CNTNAP2: variants seen among roughly 807,000 people sequenced by gnomAD.
CNTNAP2 encodes contactin-associated protein-like 2.
CNTNAP2 carries 98 observed loss-of-function variants against 155.2 expected under a neutral mutation model. The observed-to-expected ratio is 0.63, with a 90% CI of 0.54 to 0.75. The LOEUF is 0.75. Among genes scored for constraint, CNTNAP2 ranks in the 30% least tolerant of loss-of-function variants. The probability of loss-of-function intolerance (pLI) is 0.00; values close to 1 mark genes in which losing one functional copy is unlikely to be tolerated. For synonymous variants in CNTNAP2, 651 were observed against 631.2 expected (o/e 1.03, Z -0.47); for missense variants, 1,727 against 1,688.1 (o/e 1.02, Z -0.40).
At chr7:147,568,644 T>C (rs1800222725) in intron 12 of CNTNAP2, among the ~76,000 whole-genome samples, 1 of 152,186 alleles carries the variant, frequency 6.6e-6, no homozygotes, top group Non-Finnish European at 1.5e-5. Context: ...GTGTTAAAAC[T>C]TTTGTGAATA....
chr7:148,126,556 G>A (rs1297329990), intron 16 of CNTNAP2, among the ~76,000 whole-genome samples: 1 of 152,210 alleles, frequency 6.6e-6, no homozygotes, highest in East Asian at 1.9e-4. Context: ...AATGAAAATT[G>A]AAATGGAATT....
At chr7:146,861,045 C>A (rs1338107735) in intron 3 of CNTNAP2, among the ~76,000 whole-genome samples, 3 of 151,752 alleles carry the variant, frequency 2.0e-5, no homozygotes, top group African/African-American at 7.3e-5. Context: ...AATTTATTTT[C>A]TTTTTTCTTT....
At chr7:147,953,620 G>A (rs1800973246) in intron 14 of CNTNAP2, among the ~76,000 whole-genome samples, 1 of 152,200 alleles carries the variant, frequency 6.6e-6, no homozygotes, top group South Asian at 2.1e-4. Context: ...AGCTGTGTTA[G>A]TATCCTAGGG....
At chr7:148,331,064 A>G (rs1797993342) in intron 21 of CNTNAP2, among the ~76,000 whole-genome samples, 1 of 148,384 alleles carries the variant, frequency 6.7e-6, no homozygotes, top group African/African-American at 2.5e-5. Context: ...GGATGGATGG[A>G]GTGGATGGAT....
chr7:147,912,280 C>T (rs1462813949), intron 14 of CNTNAP2, among the ~76,000 whole-genome samples: 1 of 152,166 alleles, frequency 6.6e-6, no homozygotes, highest in Non-Finnish European at 1.5e-5. Context: ...CCCAAGCACA[C>T]ACAGATAAGG....
chr7:146,839,631 T>C, intron 2 of CNTNAP2, 80 bp from the exon 3 acceptor site: 2 of 1,458,574 alleles, frequency 1.4e-6, no homozygotes, highest in Non-Finnish European at 1.9e-6. Context: ...CCAATTAAGA[T>C]ATGTAGAATA....
chr7:146,566,558 G>A (rs933814086), intron 1 of CNTNAP2, among the ~76,000 whole-genome samples: 4 of 152,160 alleles, frequency 2.6e-5, no homozygotes, highest in Admixed American at 1.3e-4. Context: ...TTAGCTGGGC[G>A]TGGTGGCAGG....
intron 12 of CNTNAP2, among the ~76,000 whole-genome samples, chr7:147,633,461 G>T (rs1795123706): frequency 6.6e-6 from 1 of 152,190 alleles, no homozygotes; most frequent in African/African-American, 2.4e-5. Flanking sequence ...TTGGGTTAAT[G>T]CTGGAATAAG....
chr7:148,228,279 G>T (rs138745437), intron 19 of CNTNAP2, among the ~76,000 whole-genome samples: 1 of 152,016 alleles, frequency 6.6e-6, no homozygotes, highest in Non-Finnish European at 1.5e-5. Flanking sequence ...ATTTATGCTT[G>T]CAGATTAACT....
chr7:147,120,337 C>T (rs1173024957), intron 5 of CNTNAP2, among the ~76,000 whole-genome samples: 1 of 152,122 alleles, frequency 6.6e-6, no homozygotes, highest in African/African-American at 2.4e-5. Context: ...ATTATCTTCC[C>T]TATTGTATAT....
chr7:147,908,919 T>G (rs1206336535), intron 14 of CNTNAP2, among the ~76,000 whole-genome samples: 1 of 152,228 alleles, frequency 6.6e-6, no homozygotes, highest in African/African-American at 2.4e-5. Context: ...TTTCACATCT[T>G]TGTTTTCTTA....
rs17170758 is a variant in CNTNAP2, at chr7:147,963,306, A to G, written c.2256-14556A>G. Reference sequence around the variant, plus strand: ...AGAAAATTAACAATCTATGTCAACCATAACTGTATTATCCATGTGAGTCAA... The same window carrying G: ...AGAAAATTAACAATCTATGTCAACCGTAACTGTATTATCCATGTGAGTCAA... On this transcript the variant is annotated intron_variant, in intron 14 of 23. Coordinates refer to ENST00000361727, the MANE Select transcript of CNTNAP2 (RefSeq NM_014141.6). 4.9e-3 allele frequency among the ~76,000 whole-genome samples: 748 copies of G among 152,306 alleles called. 8 individuals carry two copies. Among genetic ancestry groups the G allele is most frequent in the African/African-American group, 0.017 (717 of 41,570 alleles).
chr7:147,443,152 A>C lies in CNTNAP2; in HGVS notation c.1671-42783A>C, dbSNP rs560980356. ...ATTATTTAGGGCCGGGCCTCAGGGC[A>C]CTTTAGCCAGCAGTAGTGAGGCTTG... On this transcript the variant is annotated intron_variant, in intron 10 of 23. Coordinates refer to ENST00000361727, the MANE Select transcript of CNTNAP2 (RefSeq NM_014141.6). 2.6e-5 allele frequency among the ~76,000 whole-genome samples: 4 copies of C among 152,142 alleles called. 1 individual carries two copies. In the East Asian group the frequency reaches 7.7e-4, roughly 29 times the overall value.
chr7:147,074,565 TTTC>T (rs1369760608), intron 4 of CNTNAP2, among the ~76,000 whole-genome samples: 1 of 152,206 alleles, frequency 6.6e-6, no homozygotes, highest in African/African-American at 2.4e-5. Flanking sequence ...AAAAACTTGC[TTTC>T]TTATCTTTCC....
intron 10 of CNTNAP2, among the ~76,000 whole-genome samples, chr7:147,431,693 A>T (rs1488161814): frequency 1.3e-5 from 2 of 152,006 alleles, no homozygotes; most frequent in Non-Finnish European, 1.5e-5. Context: ...TTTCTCTGGG[A>T]TATGTTTGGC....
chr7:147,157,395 G>A (rs1465732530), intron 8 of CNTNAP2, among the ~76,000 whole-genome samples: 2 of 152,114 alleles, frequency 1.3e-5, no homozygotes, highest in Non-Finnish European at 2.9e-5. Flanking sequence ...AGGCAAATAA[G>A]ATAGCCTGAA....
intron 1 of CNTNAP2, among the ~76,000 whole-genome samples, chr7:146,529,033 G>T (rs1163464554): frequency 2.6e-5 from 4 of 151,988 alleles, no homozygotes; most frequent in Non-Finnish European, 5.9e-5. Flanking sequence ...GGGACAAAAT[G>T]CATTTTGGTG....
intron 15 of CNTNAP2, among the ~76,000 whole-genome samples, chr7:148,117,770 C>A (rs1045206503): frequency 6.6e-6 from 1 of 151,550 alleles, no homozygotes; most frequent in Admixed American, 6.6e-5. Context: ...CCAACTATAT[C>A]AATCTTTATT....
chr7:146,337,485 G>A (rs938119548), intron 1 of CNTNAP2, among the ~76,000 whole-genome samples: 13 of 152,174 alleles, frequency 8.5e-5, no homozygotes, highest in Middle Eastern at 3.4e-3. Flanking sequence ...TAGAGACAGC[G>A]TCTAGCTCTG....
Sources: gnomAD v4.1 joint callset for allele counts (sites outside exome capture counted in the v4.1 genomes callset) on GRCh38, gnomAD v4.1.1 for gene constraint, MANE v1.5 for transcripts, NCBI Gene and HGNC (gene_info 2026-07-23, HGNC 2026-07-21) for gene names.